Variants in PTPN13 observed in about 807,000 individuals in gnomAD.
The protein encoded by PTPN13 is protein tyrosine phosphatase non-receptor type 13.
Under a neutral mutation model 284.0 loss-of-function variants are expected in PTPN13, and 191 were observed. The ratio of observed to expected loss-of-function variants is 0.67; its 90% CI spans 0.60 to 0.76. The LOEUF (loss-of-function observed/expected upper bound fraction) is 0.76, where lower values mean the gene tolerates loss of function less well. Among genes scored for constraint, PTPN13 ranks in the 30% least tolerant of loss-of-function variants. PTPN13 has a pLI of 0.00. For missense variants in PTPN13, 2,797 were observed against 2,939.9 expected, an observed-to-expected ratio of 0.95 and a Z score of 1.12; for synonymous variants, 986 against 1,022.3, an observed-to-expected ratio of 0.96 and a Z score of 0.68.
chr4:86,730,305 A>G (rs1734787468), intron 10 of PTPN13, among the ~76,000 whole-genome samples: 1 of 149,620 alleles, frequency 6.7e-6, no homozygotes, highest in Non-Finnish European at 1.5e-5. Flanking sequence ...TCAGAGCTCA[A>G]ACGCCATGCT....
chr4:86,778,524 C>A (rs1740907898), intron 35 of PTPN13, among the ~76,000 whole-genome samples: 1 of 152,134 alleles, frequency 6.6e-6, no homozygotes, highest in South Asian at 2.1e-4. Context: ...AACACACAAA[C>A]CAGCTTCAAC....
At chr4:86,770,232 T>C (rs1325937165) in intron 30 of PTPN13, 33 bp downstream of exon 30, 15 of 1,557,070 alleles carry the variant, frequency 9.6e-6, no homozygotes, top group Non-Finnish European at 1.2e-5. Flanking sequence ...TACAGTTTTA[T>C]AGAATATCAA....
chr4:86,700,068 G>A (rs1730989050), intron 6 of PTPN13, among the ~76,000 whole-genome samples: 1 of 152,064 alleles, frequency 6.6e-6, no homozygotes, highest in Non-Finnish European at 1.5e-5. Flanking sequence ...AAAGCACAAT[G>A]TTTTAATCTT....
chr4:86,718,323 A>G (rs1565403174), intron 9 of PTPN13, among the ~76,000 whole-genome samples: 1 of 152,218 alleles, frequency 6.6e-6, no homozygotes, highest in East Asian at 1.9e-4. Flanking sequence ...ATTCTGCCAG[A>G]CACTGTTTCA....
chr4:86,650,822 G>C (rs1307821416), intron 2 of PTPN13, among the ~76,000 whole-genome samples: 1 of 152,176 alleles, frequency 6.6e-6, no homozygotes, highest in African/African-American at 2.4e-5. Context: ...TTTTCTGGTA[G>C]AGTGTTTAGG....
At chr4:86,812,775 G>A (rs987043301) in intron 47 of PTPN13, among the ~76,000 whole-genome samples, 2 of 152,010 alleles carry the variant, frequency 1.3e-5, no homozygotes, top group East Asian at 3.9e-4. Context: ...GAGGTGACAG[G>A]GTCCAGGACT....
At chr4:86,646,121 A>G (rs1286724845) in intron 2 of PTPN13, among the ~76,000 whole-genome samples, 1 of 151,968 alleles carries the variant, frequency 6.6e-6, no homozygotes, top group Non-Finnish European at 1.5e-5. Context: ...ATGAGACGGT[A>G]GTTGTGTCCC....
rs191119102 is a variant in PTPN13, at chr4:86,767,598, A to G, written c.4330-219A>G. 3.4e-4 allele frequency among the ~76,000 whole-genome samples: 51 copies of G among 152,162 alleles called. 1 individual carries two copies. The highest frequency in any genetic ancestry group is 1.2e-3 in the African/African-American group (49 of 41,530). The stretch of plus-strand genomic sequence containing the variant: ...TATTTATAATAGATTCTTTTTAATC[A>G]TTTATCTTTCTATACAGAAATGTAA... On this transcript the variant is annotated intron_variant, in intron 27 of 47. Transcript: ENST00000411767.
intron 2 of PTPN13, among the ~76,000 whole-genome samples, chr4:86,657,289 T>C (rs374809484): frequency 2.0e-5 from 3 of 152,160 alleles, no homozygotes; most frequent in East Asian, 3.9e-4. Flanking sequence ...CAGTTGGAAA[T>C]GTCTCTGCAT....
At chr4:86,613,601 T>C (rs1720183126) in intron 1 of PTPN13, among the ~76,000 whole-genome samples, 1 of 132,668 alleles carries the variant, frequency 7.5e-6, no homozygotes, top group South Asian at 2.3e-4. Flanking sequence ...GCCACTGCAC[T>C]CCAGCCTGGG....
At chr4:86,628,406 T>C (rs974285902) in intron 1 of PTPN13, among the ~76,000 whole-genome samples, 1 of 152,116 alleles carries the variant, frequency 6.6e-6, no homozygotes, top group African/African-American at 2.4e-5. Flanking sequence ...AAAACTGGAT[T>C]GTTTGGTTTT....
rs1438277636 is a variant in PTPN13 at position 86,672,481 on chromosome 4, G to A, written c.232G>A (p.Ala78Thr). ...AAATATTTCCAATCAGGATCTTCGA[G>A]CATTCACTGCACCAGAGGTTCTTCA... is the stretch of plus-strand genomic sequence containing the variant. ...DENISNQDLR[A>T]FTAPEVLQNQ... is the part of the protein sequence containing the mutation. The change falls in exon 3 of 48, where the codon GCA becomes ACA. Residue 78 changes from alanine (A) to threonine (T), a missense_variant. By Grantham distance (58) the Ala-to-Thr change is moderately conservative. Transcript: ENST00000411767. The A allele has an allele frequency of 4.4e-6, 7 of 1,605,046 alleles. No individual in the cohort carries two copies. The highest frequency in any genetic ancestry group is 6.0e-6 in the Non-Finnish European group (7 of 1,175,456).
intron 41 of PTPN13, among the ~76,000 whole-genome samples, chr4:86,797,535 A>G (rs12171330): frequency 0.099 from 15,117 of 152,054 alleles, 872 homozygotes; most frequent in Non-Finnish European, 0.11. Flanking sequence ...TTTTGTTACA[A>G]GGAGGTTCTA....
rs1292749389 is a variant in PTPN13 at position 86,639,177 on chromosome 4, A to C, written c.115+3806A>C. Among the ~76,000 whole-genome samples the C allele has an allele frequency of 9.2e-5, 14 of 151,826 alleles. No homozygotes were observed. The South Asian group carries it at 2.9e-3, about 32-fold the overall frequency. On this transcript the variant is annotated intron_variant, in intron 2 of 47. Transcript: ENST00000411767. ...GCAATCATTAAAAAGTCAGGAAACA[A>C]CAGGTGCTGGAGAGGATGTGGAGAA... is the stretch of plus-strand genomic sequence containing the variant.
chr4:86,754,965 T>C (rs1737804586), intron 20 of PTPN13, among the ~76,000 whole-genome samples: 1 of 152,090 alleles, frequency 6.6e-6, no homozygotes, highest in African/African-American at 2.4e-5. Context: ...GAATTAGTAC[T>C]CTGTTGAGAA....
chr4:86,672,350 G>T lies in PTPN13; in HGVS notation c.116-15G>T. The T allele has an allele frequency of 2.7e-6, 4 of 1,498,460 alleles. No homozygotes were observed. Among genetic ancestry groups the T allele is most frequent in the Non-Finnish European group, 2.7e-6 (3 of 1,126,358 alleles). The allele number at this position is 1,498,460 out of a possible 1,614,324, so 92.8% of individuals were successfully genotyped here. A position where few individuals can be genotyped will look rare whatever the true frequency, so the allele number is the denominator to read the frequency against. On this transcript the variant is annotated splice_polypyrimidine_tract_variant and intron_variant, in intron 2 of 47. Transcript: ENST00000411767. ...CTTTTTTTTTATTTTTTATTTTGGT[G>T]CAATTACAAACCAGTAAGCCTAGCT...
intron 2 of PTPN13, among the ~76,000 whole-genome samples, chr4:86,645,396 A>G (rs1724307202): frequency 6.6e-6 from 1 of 152,204 alleles, no homozygotes; most frequent in African/African-American, 2.4e-5. Context: ...ATAAAGCAAG[A>G]CAAATAAAAG....
At chr4:86,775,803 A>G (rs1740567391) in intron 35 of PTPN13, among the ~76,000 whole-genome samples, 151 bp downstream of exon 35, 1 of 152,242 alleles carries the variant, frequency 6.6e-6, no homozygotes, top group African/African-American at 2.4e-5. Context: ...ACTTCTTGAT[A>G]GGCGATTTTG....
intron 31 of PTPN13, 59 bp downstream of exon 31, chr4:86,771,594 AGCAACATGCATTTCTCTTAAGAATGAAAT>A: frequency 1.4e-6 from 2 of 1,440,660 alleles, no homozygotes; most frequent in Non-Finnish European, 1.9e-6. Flanking sequence ...TAGCAGTAGC[AGCAACATGCATTTCTCTTAAGAATGAAAT>A]GTATGTATCT....
Sources: gnomAD v4.1 joint callset for allele counts (sites outside exome capture counted in the v4.1 genomes callset) on GRCh38, gnomAD v4.1.1 for gene constraint, MANE v1.5 for transcripts, NCBI Gene and HGNC (gene_info 2026-07-23, HGNC 2026-07-21) for gene names.